The following ZBTB2 variants were observed in gnomAD, a reference collection of about 807,000 sequenced individuals.
The protein encoded by ZBTB2 is zinc finger and BTB domain containing 2.
ZBTB2 carries 2 observed loss-of-function variants against 39.5 expected under a neutral mutation model. The ratio of observed to expected loss-of-function variants is 0.05; its 90% confidence interval spans 0.02 to 0.16. The LOEUF (loss-of-function observed/expected upper bound fraction) is 0.16, where lower values mean the gene tolerates loss of function less well. Among genes scored for constraint, ZBTB2 ranks in the 10% least tolerant of loss-of-function variants. The probability of loss-of-function intolerance (pLI) is 1.00; values close to 1 mark genes in which losing one functional copy is unlikely to be tolerated. For missense variants in ZBTB2, 391 were observed against 653.0 expected, an observed-to-expected ratio of 0.60 and a Z score of 4.37; for synonymous variants, 251 against 256.6, an observed-to-expected ratio of 0.98 and a Z score of 0.21.
In ZBTB2 at chr6:151,366,628, G is replaced by A. The variant is rs146045152; in HGVS notation, c.438C>T (p.Thr146=). The A allele has an allele frequency of 6.2e-6, 10 of 1,614,118 alleles. No homozygotes were observed. The highest frequency in any genetic ancestry group is 7.6e-6 in the Non-Finnish European group (9 of 1,180,026). ...QIADHQLRQA[T]KIASAPEKLG... is the part of the protein sequence containing the mutation. The stretch of plus-strand genomic sequence containing the variant: ...GTTTTTCAGGTGCTGAAGCAATCTT[G>A]GTGGCTTGTCTCAACTGATGATCTG... The change falls in exon 3 of 3, where the codon ACC becomes ACT. Residue 146 remains threonine (T), a synonymous_variant. Coordinates refer to ENST00000325144, the MANE Select transcript of ZBTB2 (RefSeq NM_020861.3). This position sits in a 1 kb window ranked among gnomAD's most constrained non-coding sequence, Gnocchi z 7.1.
rs770722152 is a variant in ZBTB2, at chr6:151,366,409, C to A, written c.657G>T (p.Glu219Asp). ...TPVPPPPPGEETNLEASSSDE... is the reference protein window; with the variant it reads ...TPVPPPPPGEDTNLEASSSDE... ...CGGAGGAAGATGCTTCCAGATTGGT[C>A]TCCTCCCCGGGAGGAGGGGGAGGAA... Residue 219 changes from glutamate to aspartate, a missense_variant, in exon 3 of 3, where the codon GAG (glutamate) becomes GAT (aspartate). Around this residue, in one of 7 missense-constraint regions of ZBTB2, gnomAD observed 175 missense variants for 198.6 expected, o/e 0.88. Coordinates refer to ENST00000325144, the MANE Select transcript of ZBTB2 (RefSeq NM_020861.3). The surrounding 1 kb of genome is among the most constrained non-coding windows in gnomAD (Gnocchi z 7.1). 20 of 1,614,052 alleles carry A rather than the reference C, an allele frequency of 1.2e-5. No individual in the cohort carries two copies. The highest frequency in any genetic ancestry group is 2.2e-5 in the East Asian group (1 of 44,858).
rs760347400 is a variant in ZBTB2 at position 151,365,579 on chromosome 6, G to A, written c.1487C>T (p.Pro496Leu). 1 of 1,614,224 alleles carries A rather than the reference G, an allele frequency of 6.2e-7. No individual in the cohort carries two copies. The highest frequency in any genetic ancestry group is 1.1e-5 in the South Asian group (1 of 91,088). The change falls in exon 3 of 3, where the codon CCT (proline) becomes CTT (leucine). Residue 496 changes from proline (P) to leucine (L), a missense_variant. Physicochemically the swap from Pro to Leu is moderately conservative, Grantham distance 98 (BLOSUM62 -3). Around this residue, in one of 7 missense-constraint regions of ZBTB2, gnomAD observed 49 missense variants for 55.6 expected, o/e 0.88. Coordinates refer to ENST00000325144, the MANE Select transcript of ZBTB2 (RefSeq NM_020861.3). The surrounding 1 kb of genome is among the most constrained non-coding windows in gnomAD (Gnocchi z 5.6). ...GATGGAAGCTAACACTGGGTGGTCAGGCTCCGTTACTTCCGAGTCCCCACT... is the reference window on the plus strand; with the variant it reads ...GATGGAAGCTAACACTGGGTGGTCAAGCTCCGTTACTTCCGAGTCCCCACT... ...LGSGDSEVTEPDHPVLASIKK... is the reference protein window; with the variant it reads ...LGSGDSEVTELDHPVLASIKK...
At chr6:151,389,726 G>C (rs916022219) in intron 1 of ZBTB2, among the ~76,000 whole-genome samples, 5 of 152,102 alleles carry the variant, frequency 3.3e-5, no homozygotes, top group African/African-American at 1.2e-4. Flanking sequence ...AGCGAGAGCC[G>C]GGTTATATCC....
Position 151,387,945 on chromosome 6 carries a change from T to C in ZBTB2, c.-13+3475A>G, listed in dbSNP as rs368733462. ...TGTAAAAATACTGAATCTTATTTAC[T>C]ATCAATTCGAAGTAATATTTTAATT... On this transcript the variant is annotated intron_variant, in intron 1 of 2. Transcript: ENST00000325144. 7.2e-5 allele frequency among the ~76,000 whole-genome samples: 11 copies of C among 152,338 alleles called. 1 individual carries two copies. Among genetic ancestry groups the C allele is most frequent in the African/African-American group, 2.4e-4 (10 of 41,578 alleles).
chr6:151,370,356 C>T (rs1778761604), intron 2 of ZBTB2, among the ~76,000 whole-genome samples: 1 of 152,150 alleles, frequency 6.6e-6, no homozygotes, highest in Non-Finnish European at 1.5e-5. Flanking sequence ...GGCTGGTTGA[C>T]ATACTTTCAT....
intron 1 of ZBTB2, among the ~76,000 whole-genome samples, chr6:151,375,539 G>A (rs1482087389): frequency 6.6e-6 from 1 of 152,100 alleles, no homozygotes; most frequent in Non-Finnish European, 1.5e-5. Flanking sequence ...TAAAGGCAAA[G>A]GAACTAGAAT....
At chr6:151,370,309 T>C (rs913510753) in intron 2 of ZBTB2, among the ~76,000 whole-genome samples, 8 of 152,182 alleles carry the variant, frequency 5.3e-5, no homozygotes, top group Non-Finnish European at 8.8e-5. Context: ...CTAATTTTTC[T>C]ATTTTTAGTA....
intron 1 of ZBTB2, among the ~76,000 whole-genome samples, chr6:151,390,355 T>C (rs112374479): frequency 0.12 from 17,899 of 144,148 alleles, 1,142 homozygotes; most frequent in Admixed American, 0.18. Context: ...GCCCCCTCCC[T>C]GTCCCCGTCC....
Position 151,371,697 on chromosome 6 carries a change from C to T in ZBTB2, c.173+1768G>A, listed in dbSNP as rs147094723. On this transcript the variant is annotated intron_variant, in intron 2 of 2. Coordinates refer to ENST00000325144, the MANE Select transcript of ZBTB2 (RefSeq NM_020861.3). Reference sequence around the variant, plus strand: ...TTATTTTAATATGCACTGGGCATCCCCGGGGTTTCTGATCCAACGAATAAC... The same window carrying T: ...TTATTTTAATATGCACTGGGCATCCTCGGGGTTTCTGATCCAACGAATAAC... Among the ~76,000 whole-genome samples the T allele has an allele frequency of 1.5e-3, 229 of 152,200 alleles. 2 individuals are homozygous for T. The highest frequency in any genetic ancestry group is 5.3e-3 in the African/African-American group (220 of 41,524).
At chr6:151,371,226 T>C (rs1778782600) in intron 2 of ZBTB2, among the ~76,000 whole-genome samples, 1 of 152,132 alleles carries the variant, frequency 6.6e-6, no homozygotes, top group African/African-American at 2.4e-5. Context: ...GGCTATTCTA[T>C]TGTGTGCAAA....
intron 1 of ZBTB2, among the ~76,000 whole-genome samples, chr6:151,380,103 T>C (rs1328146866): frequency 6.9e-6 from 1 of 145,088 alleles, no homozygotes; most frequent in Admixed American, 6.9e-5. Flanking sequence ...AGCATTCAAA[T>C]ACAGAGGAAA....
rs1013790644 is a variant in ZBTB2, at chr6:151,367,013, A to C, written c.174-121T>G. 6.5e-6 allele frequency: 7 copies of C among 1,074,304 alleles called. No individual in the cohort carries two copies. The African/African-American group carries it at 1.1e-4, about 17-fold the overall frequency. The allele number at this position is 1,074,304 out of a possible 1,614,324, so 66.5% of individuals were successfully genotyped here. On this transcript the variant is annotated intron_variant, in intron 2 of 2. Transcript: ENST00000325144. Reference sequence around the variant, plus strand: ...ACAACATTTCCTATCCTTGATTTTTAGTAAGTTTCATGAAAATGGGATGAA... The same window carrying C: ...ACAACATTTCCTATCCTTGATTTTTCGTAAGTTTCATGAAAATGGGATGAA...
At chr6:151,382,285 C>T (rs1195489484) in intron 1 of ZBTB2, among the ~76,000 whole-genome samples, 3 of 151,966 alleles carry the variant, frequency 2.0e-5, no homozygotes, top group Non-Finnish European at 4.4e-5. Context: ...GATGGAGTTT[C>T]GCTCTTGTTG....
chr6:151,377,811 G>C (rs948374432), intron 1 of ZBTB2, among the ~76,000 whole-genome samples: 2 of 151,966 alleles, frequency 1.3e-5, no homozygotes, highest in Non-Finnish European at 2.9e-5. Context: ...TGGGATTACG[G>C]ACGTGAGCCA....
chr6:151,370,959 C>T (rs79643787), intron 2 of ZBTB2, among the ~76,000 whole-genome samples: 1 of 152,302 alleles, frequency 6.6e-6, no homozygotes, highest in Non-Finnish European at 1.5e-5. Context: ...ATTTACTGCC[C>T]TATACTTAAA....
At chr6:151,381,990 T>C (rs945254849) in intron 1 of ZBTB2, among the ~76,000 whole-genome samples, 2 of 152,244 alleles carry the variant, frequency 1.3e-5, no homozygotes, top group Non-Finnish European at 2.9e-5. Flanking sequence ...CTAAAGGTAC[T>C]TCCACAAATC....
chr6:151,388,840 G>T (rs1445269676), intron 1 of ZBTB2, among the ~76,000 whole-genome samples: 2 of 152,214 alleles, frequency 1.3e-5, no homozygotes, highest in Non-Finnish European at 2.9e-5. Flanking sequence ...GGTAGAGATT[G>T]CTCAGCATCA....
intron 1 of ZBTB2, among the ~76,000 whole-genome samples, chr6:151,374,946 A>AC (rs1219009149): frequency 2.0e-5 from 3 of 150,336 alleles, no homozygotes; most frequent in Admixed American, 6.6e-5. Flanking sequence ...AAAAAAAAAA[A>AC]AAAAAAAACA....
At chr6:151,369,136 G>C (rs1778721102) in intron 2 of ZBTB2, among the ~76,000 whole-genome samples, 1 of 152,104 alleles carries the variant, frequency 6.6e-6, no homozygotes, top group Non-Finnish European at 1.5e-5. Flanking sequence ...ACTTATGAAT[G>C]GTGACTCAAC....
Sources: allele counts gnomAD v4.1 joint callset (sites outside exome capture counted in the v4.1 genomes callset), GRCh38; gene constraint gnomAD v4.1.1; regional missense constraint gnomAD v4.1.1; non-coding constraint Gnocchi (gnomAD v3.1); transcripts MANE v1.5; gene names NCBI Gene and HGNC (gene_info 2026-07-23, HGNC 2026-07-21).